RAD54L2: variants seen among roughly 807,000 people sequenced by gnomAD.
RAD54L2 encodes the protein RAD54 like 2.
A neutral mutation model predicts 138.4 loss-of-function variants in RAD54L2; 27 were observed. The observed-to-expected ratio is 0.20, with a 90% CI of 0.14 to 0.27. The LOEUF (loss-of-function observed/expected upper bound fraction) is 0.27, where lower values mean the gene tolerates loss of function less well. Among genes scored for constraint, RAD54L2 ranks in the 10% least tolerant of loss-of-function variants. The pLI, the probability that RAD54L2 is intolerant of heterozygous loss-of-function variation, is 1.00. For missense variants in RAD54L2, 1,396 were observed against 1,890.2 expected, an observed-to-expected ratio of 0.74 and a Z score of 4.85; for synonymous variants, 644 against 723.2, an observed-to-expected ratio of 0.89 and a Z score of 1.76.
At chr3:51,653,343 C>T (rs1701494616) in intron 19 of RAD54L2, among the ~76,000 whole-genome samples, 1 of 152,182 alleles carries the variant, frequency 6.6e-6, no homozygotes, top group African/African-American at 2.4e-5. Flanking sequence ...GGACTGTAAA[C>T]TAGTTCAACC....
At chr3:51,610,759 A>G (rs889134287) in intron 3 of RAD54L2, among the ~76,000 whole-genome samples, 5 of 152,020 alleles carry the variant, frequency 3.3e-5, no homozygotes, top group Admixed American at 6.6e-5. Flanking sequence ...TGGAGATGCT[A>G]GGAGAGAGCT....
chr3:51,641,364 G>A (rs982782490), intron 14 of RAD54L2, among the ~76,000 whole-genome samples: 1 of 148,082 alleles, frequency 6.8e-6, no homozygotes, highest in African/African-American at 2.5e-5. Flanking sequence ...TTGTTGCCCA[G>A]GCTGGAGTGC....
At chr3:51,651,281 G>C (rs1001878037) in intron 19 of RAD54L2, among the ~76,000 whole-genome samples, 1 of 152,098 alleles carries the variant, frequency 6.6e-6, no homozygotes, top group Non-Finnish European at 1.5e-5. Flanking sequence ...CTCTGAAATT[G>C]AGGCAATAAT....
chr3:51,561,554 T>C (rs1430343218), intron 2 of RAD54L2, among the ~76,000 whole-genome samples: 2 of 151,744 alleles, frequency 1.3e-5, no homozygotes, highest in African/African-American at 2.4e-5. Flanking sequence ...CGAAATTCCC[T>C]TTTATCTTTT....
chr3:51,607,314 C>G (rs534216312), intron 3 of RAD54L2, among the ~76,000 whole-genome samples: 32 of 149,546 alleles, frequency 2.1e-4, no homozygotes, highest in Admixed American at 6.0e-4. Flanking sequence ...TGACTCTTAA[C>G]GAGTATGCTG....
intron 15 of RAD54L2, among the ~76,000 whole-genome samples, chr3:51,642,163 A>G (rs185780364): frequency 3.3e-5 from 5 of 152,304 alleles, no homozygotes; most frequent in South Asian, 2.1e-4. Context: ...TAAGGAGGAT[A>G]GAATCACTGT....
chr3:51,545,562 T>C lies in RAD54L2; in HGVS notation c.-55+3912T>C, dbSNP rs140869540. Among the ~76,000 whole-genome samples, 313 of 152,062 alleles carry C rather than the reference T, an allele frequency of 2.1e-3. 3 individuals are homozygous for C. The highest frequency in any genetic ancestry group is 3.2e-3 in the Non-Finnish European group (219 of 67,976). On this transcript the variant is annotated intron_variant, in intron 2 of 22. Coordinates refer to ENST00000684192, the MANE Select transcript of RAD54L2 (RefSeq NM_015106.4). ...TTACTTTGAATTAGTTTTTTTAAGA[T>C]TTTTTTTAAATTTTTAATTTTTTTT...
intron 2 of RAD54L2, among the ~76,000 whole-genome samples, chr3:51,569,633 T>C (rs556995918): frequency 3.3e-5 from 5 of 152,194 alleles, no homozygotes; most frequent in African/African-American, 9.6e-5. Flanking sequence ...CCGCCTGCCT[T>C]GGCCTCCCAA....
Position 51,660,076 on chromosome 3 carries a change from G to A in RAD54L2, c.3367G>A (p.Gly1123Ser). The A allele has an allele frequency of 6.2e-7, 1 of 1,600,890 alleles. No homozygotes were observed. The highest frequency in any genetic ancestry group is 8.6e-7 in the Non-Finnish European group (1 of 1,169,026). The change falls in exon 22 of 23, where the codon GGC (glycine) becomes AGC (serine). Residue 1123 changes from glycine to serine, a missense_variant. Gly to Ser is a moderately conservative substitution (Grantham distance 56). Transcript: ENST00000684192. Reference sequence around the variant, plus strand: ...ACGGATCTTTGCTGTCCGGGCAACTGGCAAACCAAAGGTTCCTGAAGATGG... The same window carrying A: ...ACGGATCTTTGCTGTCCGGGCAACTAGCAAACCAAAGGTTCCTGAAGATGG... ...DGRIFAVRAT[G>S]KPKVPEDGRM... is the part of the protein sequence containing the mutation.
At position 51,616,228 on chromosome 3, in the gene RAD54L2, T is replaced by C. The variant is rs1394054893; in HGVS notation, c.140-11325T>C. On this transcript the variant is annotated intron_variant, in intron 3 of 22. Transcript: ENST00000684192. ...ATCAAACACTAGGTCTTATTTCTTC[T>C]ATTATACTGTATATTTATACCCATT... 2.6e-5 allele frequency among the ~76,000 whole-genome samples: 4 copies of C among 152,208 alleles called. No individual in the cohort carries two copies. The East Asian group carries it at 7.7e-4, about 29-fold the overall frequency.
Position 51,630,937 on chromosome 3 carries a change from G to T in RAD54L2, c.825+6G>T. ...GGGCTGTGAAACCTCATCAGGTACA[G>T]CAAACCTTGACTGTTTTCTCCTTTT... On this transcript the variant is annotated splice_donor_region_variant and intron_variant, in intron 7 of 22. Coordinates refer to ENST00000684192, the MANE Select transcript of RAD54L2 (RefSeq NM_015106.4). The T allele has an allele frequency of 6.2e-7, 1 of 1,600,144 alleles. No individual in the cohort carries two copies. The highest frequency in any genetic ancestry group is 8.6e-7 in the Non-Finnish European group (1 of 1,168,396).
intron 3 of RAD54L2, among the ~76,000 whole-genome samples, chr3:51,607,845 G>A (rs531482207): frequency 7.3e-5 from 11 of 150,096 alleles, no homozygotes; most frequent in African/African-American, 2.7e-4. Flanking sequence ...GCTGGGCAGA[G>A]GCGCCCCCCA....
chr3:51,552,658 G>C (rs1350309782), intron 2 of RAD54L2, among the ~76,000 whole-genome samples: 2 of 140,626 alleles, frequency 1.4e-5, no homozygotes, highest in Admixed American at 1.6e-4. Flanking sequence ...TGCAACCTCT[G>C]TCTCCTGGGC....
intron 12 of RAD54L2, 73 bp from the exon 13 acceptor site, chr3:51,639,346 G>A: frequency 1.3e-6 from 2 of 1,542,738 alleles, no homozygotes; most frequent in South Asian, 1.2e-5. Flanking sequence ...GCAAGTATGT[G>A]TTTCCAGACT....
chr3:51,547,143 T>TTCCC (rs1698718186), intron 2 of RAD54L2, among the ~76,000 whole-genome samples: 2 of 152,040 alleles, frequency 1.3e-5, no homozygotes, highest in African/African-American at 4.8e-5. Context: ...CCCCAGGAGT[T>TTCCC]TAAGACTAGC....
chr3:51,628,566 T>C (rs1221583446), intron 4 of RAD54L2, among the ~76,000 whole-genome samples: 1 of 151,890 alleles, frequency 6.6e-6, no homozygotes, highest in African/African-American at 2.4e-5. Flanking sequence ...ATTTTTGTAT[T>C]TGTAGTAGAG....
At chr3:51,547,301 C>T (rs1553672499) in intron 2 of RAD54L2, among the ~76,000 whole-genome samples, 1 of 151,736 alleles carries the variant, frequency 6.6e-6, no homozygotes, top group African/African-American at 2.4e-5. Flanking sequence ...GCCTGAACTC[C>T]AGAGATAGAG....
Position 51,611,332 on chromosome 3 carries a change from T to C in RAD54L2, c.140-16221T>C, listed in dbSNP as rs1034020157. ...TTATGGAGTATATGAGATGTTTTGA[T>C]ACATGCATACAATGCATAATAATCG... On this transcript the variant is annotated intron_variant, in intron 3 of 22. Transcript: ENST00000684192. 3.0e-4 allele frequency: 46 copies of C among 152,028 alleles called. 1 individual carries two copies. The highest frequency in any genetic ancestry group is 2.9e-3 in the Admixed American group (44 of 15,242). 9.4% of individuals were successfully genotyped at this position (152,028 alleles called of 1,614,324 possible).
rs762644127 is a variant in RAD54L2, at chr3:51,627,767, C to G, written c.341+13C>G. On this transcript the variant is annotated intron_variant, in intron 4 of 22. Transcript: ENST00000684192. The stretch of plus-strand genomic sequence containing the variant: ...GAAGAAACATACGGTGAGCTGTGCT[C>G]TGTGTAAGAGGAGAGGGAAAGGAAT... The G allele has an allele frequency of 3.7e-6, 6 of 1,613,026 alleles. No individual in the cohort carries two copies. The Admixed American group carries it at 8.3e-5, about 22-fold the overall frequency.
Sources: gnomAD v4.1 joint callset for allele counts (sites outside exome capture counted in the v4.1 genomes callset) on GRCh38, gnomAD v4.1.1 for gene constraint, MANE v1.5 for transcripts, NCBI Gene and HGNC (gene_info 2026-07-23, HGNC 2026-07-21) for gene names.